The following KCNC3 variants were observed in gnomAD, a reference collection of about 807,000 sequenced individuals.
The protein encoded by KCNC3 is potassium voltage-gated channel subfamily C member 3.
A neutral mutation model predicts 43.9 loss-of-function variants in KCNC3; 22 were observed. That is an observed-to-expected ratio of 0.50 (90% confidence interval 0.36 to 0.72). The LOEUF (loss-of-function observed/expected upper bound fraction) is 0.72, where lower values mean the gene tolerates loss of function less well. KCNC3 is among the 30% of genes least tolerant of loss of function. KCNC3 has a pLI of 0.00. For synonymous variants in KCNC3, 492 were observed against 488.0 expected, an observed-to-expected ratio of 1.01 and a Z score of -0.11; for missense variants, 829 against 1,073.8, an observed-to-expected ratio of 0.77 and a Z score of 3.19.
Position 50,313,131 on chromosome 19 carries a change from G to C in KCNC3, c.*2984C>G, listed in dbSNP as rs1219560214. 6.6e-6 allele frequency: 1 copy of C among 152,146 alleles called. No homozygotes were observed. The highest frequency in any genetic ancestry group is 1.5e-5 in the Non-Finnish European group (1 of 68,028). The allele number at this position is 152,146 out of a possible 1,614,324, so 9.4% of individuals were successfully genotyped here. A position where few individuals can be genotyped will look rare whatever the true frequency, so the allele number is the denominator to read the frequency against. On this transcript the variant is annotated 3_prime_UTR_variant, in exon 5 of 5. Coordinates refer to ENST00000477616, the MANE Select transcript of KCNC3 (RefSeq NM_004977.3). ...AGTCTGGGACCGGTGTGGTCTCTGG[G>C]CTTGGGGGAGGTAGCGCATCCTTGA...
chr19:50,331,250 C>T (rs2037185069), upstream of KCNC3, among the ~76,000 whole-genome samples: 1 of 125,874 alleles, frequency 7.9e-6, no homozygotes, highest in Non-Finnish European at 1.6e-5. Flanking sequence ...TCTCTCCTCC[C>T]TGGTGTCTCA....
In KCNC3 at chr19:50,320,248, A is replaced by G; in HGVS notation, c.2272T>C (p.Ter758GlnextTer29). The G allele has an allele frequency of 3.6e-6, 2 of 549,590 alleles. No individual in the cohort carries two copies. Among genetic ancestry groups the G allele is most frequent in the Non-Finnish European group, 5.0e-6 (2 of 398,156 alleles). 34.0% of individuals were successfully genotyped at this position (549,590 alleles called of 1,614,324 possible). The change falls in exon 4 of 5, where the codon TAG (stop) becomes CAG (glutamine). Residue 758 changes from the stop codon to glutamine, a stop_lost. Transcript: ENST00000477616. The part of the protein sequence containing the change: ...NANAAAWISP[*>Q] ...CCCGGGGGGAGGGGGTTCGTCCACT[A>G]GGGGGATATCCAGGCCGCGGCGTTG...
chr19:50,322,408 G>A lies in KCNC3; in HGVS notation c.1978+567C>T, dbSNP rs149364822. 7.7e-3 allele frequency among the ~76,000 whole-genome samples: 1,170 copies of A among 152,188 alleles called. 23 individuals are homozygous for A. The highest frequency in any genetic ancestry group is 6.9e-3 in the Non-Finnish European group (471 of 68,002). On this transcript the variant is annotated intron_variant, in intron 2 of 4. Transcript: ENST00000477616. Reference sequence around the variant, plus strand: ...GGGATCTGCCCTGGCCTGACTCTCCGTTTTGAAGTCTGTCTGCCTCTTGGG... The same window carrying A: ...GGGATCTGCCCTGGCCTGACTCTCCATTTTGAAGTCTGTCTGCCTCTTGGG...
chr19:50,329,041 C>G lies in KCNC3; in HGVS notation c.42G>C (p.Gln14His). ...GCGCCGGCTGCTGCTTGCTGGCCCCCTGGCGCCCGCGGAAGGACGAGACGC... is the reference window on the plus strand; with the variant it reads ...GCGCCGGCTGCTGCTTGCTGGCCCCGTGGCGCCCGCGGAAGGACGAGACGC... ...SVCVSSFRGR[Q>H]GASKQQPAPP... Residue 14 changes from glutamine to histidine, a missense_variant, in exon 1 of 5, where the codon CAG becomes CAC. This residue lies in a region of KCNC3 where 129 missense variants were observed against 83.6 expected (regional missense o/e 1.54). Coordinates refer to ENST00000477616, the MANE Select transcript of KCNC3 (RefSeq NM_004977.3). 4 of 1,337,380 alleles carry G rather than the reference C, an allele frequency of 3.0e-6. No individual in the cohort carries two copies. In the South Asian group the frequency reaches 5.4e-5, roughly 18 times the overall value. The allele number at this position is 1,337,380 out of a possible 1,614,324, so 82.8% of individuals were successfully genotyped here. A position where few individuals can be genotyped will look rare whatever the true frequency, so the allele number is the denominator to read the frequency against.
Position 50,328,765 on chromosome 19 carries a change from C to A in KCNC3, c.318G>T (p.Leu106=). 1 of 1,585,962 alleles carries A rather than the reference C, an allele frequency of 6.3e-7. No homozygotes were observed. ...CCAGCCGCGTCCCCGGCAGGGTGCGCAGCGTCGAGCGGTACGTCTCATGGC... is the reference window on the plus strand; with the variant it reads ...CCAGCCGCGTCCCCGGCAGGGTGCGAAGCGTCGAGCGGTACGTCTCATGGC... ...GVRHETYRST[L]RTLPGTRLAG... is the part of the protein sequence containing the mutation. The change falls in exon 1 of 5, where the codon CTG becomes CTT. Residue 106 remains leucine, a synonymous_variant. Transcript: ENST00000477616.
chr19:50,328,970 G>C lies in KCNC3; in HGVS notation c.113C>G (p.Pro38Arg). Residue 38 changes from proline (P) to arginine (R), a missense_variant, in exon 1 of 5, where the codon CCG (proline) becomes CGG (arginine). Around this residue, in one of 7 missense-constraint regions of KCNC3, gnomAD observed 129 missense variants for 83.6 expected, o/e 1.54. Transcript: ENST00000477616. Reference sequence around the variant, plus strand: ...GGGCTGCGCAGGCTGCTGCTGCTGCGGCGGCAGCGGTGGCGGCGGCGGGGA... The same window carrying C: ...GGGCTGCGCAGGCTGCTGCTGCTGCCGCGGCAGCGGTGGCGGCGGCGGGGA... Reference protein sequence around the residue: ...PESPPPPPLPPQQQQPAQPGP... With the variant: ...PESPPPPPLPRQQQQPAQPGP... 4.0e-6 allele frequency: 4 copies of C among 996,392 alleles called. No individual in the cohort carries two copies. Among genetic ancestry groups the C allele is most frequent in the Non-Finnish European group, 5.0e-6 (4 of 793,554 alleles). 61.7% of individuals were successfully genotyped at this position (996,392 alleles called of 1,614,324 possible).
chr19:50,320,318 G>A lies in KCNC3; in HGVS notation c.2202C>T (p.Asp734=). ...AGCTTGGGGGGCCTGGCTTACGCCA[G>A]TCTTGGGGGGGCAGTGGGGGAGCAC... ...ATGAPPLPPQ[D]WRKPGPPSFL... Residue 734 remains aspartate (D), a synonymous_variant, in exon 4 of 5, where the codon GAC becomes GAT. Transcript: ENST00000477616. 2.0e-6 allele frequency: 1 copy of A among 507,968 alleles called. No individual in the cohort carries two copies. Among genetic ancestry groups the A allele is most frequent in the Non-Finnish European group, 3.2e-6 (1 of 316,008 alleles). 31.5% of individuals were successfully genotyped at this position (507,968 alleles called of 1,614,324 possible).
In KCNC3 at chr19:50,324,642, A is replaced by G. The variant is rs564693243; in HGVS notation, c.871-560T>C. 6.6e-6 allele frequency among the ~76,000 whole-genome samples: 1 copy of G among 152,188 alleles called. No homozygotes were observed. The highest frequency in any genetic ancestry group is 1.5e-5 in the Non-Finnish European group (1 of 68,034). ...CTGTCAAAACTGGGCAAGGAGACTG[A>G]GCTTTCTGAACCAGAAGTTTGTAGT... is the stretch of plus-strand genomic sequence containing the variant. On this transcript the variant is annotated intron_variant, in intron 1 of 4. Coordinates refer to ENST00000477616, the MANE Select transcript of KCNC3 (RefSeq NM_004977.3). The surrounding 1 kb of genome is among the most constrained non-coding windows in gnomAD (Gnocchi z 4.1).
At chr19:50,316,751 A>C (rs2036959680) in intron 4 of KCNC3, among the ~76,000 whole-genome samples, 1 of 149,782 alleles carries the variant, frequency 6.7e-6, no homozygotes, top group African/African-American at 2.5e-5. Flanking sequence ...CAAAAACGAA[A>C]GGGTTGGGAA....
chr19:50,316,859 A>G (rs1341215348), intron 4 of KCNC3, among the ~76,000 whole-genome samples: 2 of 151,964 alleles, frequency 1.3e-5, no homozygotes, highest in Non-Finnish European at 2.9e-5. Context: ...GCTGAAGGAC[A>G]GCAAGGAAAA....
At position 50,328,960 on chromosome 19, in the gene KCNC3, C is replaced by A. The variant is rs185017345; in HGVS notation, c.123G>T (p.Gln41His). The A allele has an allele frequency of 8.8e-3, 8,316 of 947,006 alleles. 566 individuals are homozygous for A. In the African/African-American group the frequency reaches 0.14, roughly 16 times the overall value. The allele number at this position is 947,006 out of a possible 1,614,324, so 58.7% of individuals were successfully genotyped here. The change falls in exon 1 of 5, where the codon CAG (glutamine) becomes CAT (histidine). Residue 41 changes from glutamine (Q) to histidine (H), a missense_variant. By Grantham distance (24) the Gln-to-His change is conservative (BLOSUM62 0). Coordinates refer to ENST00000477616, the MANE Select transcript of KCNC3 (RefSeq NM_004977.3). Reference sequence around the variant, plus strand: ...CGGCGGGGCCGGGCTGCGCAGGCTGCTGCTGCTGCGGCGGCAGCGGTGGCG... The same window carrying A: ...CGGCGGGGCCGGGCTGCGCAGGCTGATGCTGCTGCGGCGGCAGCGGTGGCG... ...PPPPPLPPQQ[Q>H]QPAQPGPAAS...
At chr19:50,317,411 A>G (rs2036971560) in intron 4 of KCNC3, among the ~76,000 whole-genome samples, 2 of 152,078 alleles carry the variant, frequency 1.3e-5, no homozygotes. Flanking sequence ...AGGTTCCCCT[A>G]TGGCATCTCC....
rs2037133927 is a variant in KCNC3, at chr19:50,328,407, C to T, written c.676G>A (p.Asp226Asn). The T allele has an allele frequency of 1.5e-6, 2 of 1,340,506 alleles. No homozygotes were observed. The highest frequency in any genetic ancestry group is 9.5e-7 in the Non-Finnish European group (1 of 1,049,698). The allele number at this position is 1,340,506 out of a possible 1,614,324, so 83.0% of individuals were successfully genotyped here. The change falls in exon 1 of 5, where the codon GAC becomes AAC. Residue 226 changes from aspartate to asparagine, a missense_variant. Physicochemically the swap from Asp to Asn is conservative, Grantham distance 23. Around this residue, in one of 7 missense-constraint regions of KCNC3, gnomAD observed 121 missense variants for 247.4 expected, o/e 0.49. Coordinates refer to ENST00000477616, the MANE Select transcript of KCNC3 (RefSeq NM_004977.3). ...AAGAHDGGLD[D>N]EAGAGGGGLD... The stretch of plus-strand genomic sequence containing the variant: ...CCGCCGCCGCCCGCGCCCGCCTCGT[C>T]GTCCAGGCCTCCGTCGTGGGCGCCT...
chr19:50,325,286 G>C (rs2037088187), intron 1 of KCNC3, among the ~76,000 whole-genome samples: 1 of 152,188 alleles, frequency 6.6e-6, no homozygotes. Context: ...TTATAGTAAA[G>C]AGAGGGTTTT....
intron 2 of KCNC3, 139 bp from the exon 3 acceptor site, chr19:50,320,923 C>G: frequency 1.3e-6 from 1 of 799,804 alleles, no homozygotes; most frequent in South Asian, 1.7e-5. Context: ...GATTCAAGGG[C>G]AGGGTGATGG....
chr19:50,312,866 TGCCCCGCCCCCACCAAAACCC>T lies in KCNC3; in HGVS notation c.*3228_*3248del, dbSNP rs1229456240. ...CTGGTGTCTGGAGCCCCTAGCCCTTTGCCCCGCCCCCACCAAAACCCGCCCCACCCCTCACCCCTGCTTCAC... is the reference window on the plus strand; with the variant it reads ...CTGGTGTCTGGAGCCCCTAGCCCTTTGCCCCACCCCTCACCCCTGCTTCAC... On this transcript the variant is annotated 3_prime_UTR_variant, in exon 5 of 5. Coordinates refer to ENST00000477616, the MANE Select transcript of KCNC3 (RefSeq NM_004977.3). 1 of 151,518 alleles carries T rather than the reference TGCCCCGCCCCCACCAAAACCC, an allele frequency of 6.6e-6. No individual in the cohort carries two copies. The highest frequency in any genetic ancestry group is 1.5e-5 in the Non-Finnish European group (1 of 67,828). 9.4% of individuals were successfully genotyped at this position (151,518 alleles called of 1,614,324 possible).
rs1601090945 is a variant in KCNC3, at chr19:50,314,829, T to G, written c.*1286A>C. Reference sequence around the variant, plus strand: ...GACCTTCTTCCCGGTCACCCCCGAGTCCCCCCACAGGGGGGAGGGGAGCGC... The same window carrying G: ...GACCTTCTTCCCGGTCACCCCCGAGGCCCCCCACAGGGGGGAGGGGAGCGC... On this transcript the variant is annotated 3_prime_UTR_variant, in exon 5 of 5. Transcript: ENST00000477616. 1.8e-5 allele frequency: 6 copies of G among 336,238 alleles called. No homozygotes were observed. Among genetic ancestry groups the G allele is most frequent in the African/African-American group, 4.7e-5 (2 of 42,708 alleles). The allele number at this position is 336,238 out of a possible 1,614,324, so 20.8% of individuals were successfully genotyped here.
At chr19:50,325,593 C>G (rs201926679) in intron 1 of KCNC3, among the ~76,000 whole-genome samples, 1 of 149,304 alleles carries the variant, frequency 6.7e-6, no homozygotes, top group Admixed American at 6.7e-5. Context: ...ACTCCCCCCC[C>G]ACCCCCACCT....
upstream of KCNC3, among the ~76,000 whole-genome samples, chr19:50,330,157 G>A (rs141933408): frequency 6.6e-6 from 1 of 152,052 alleles, no homozygotes; most frequent in Non-Finnish European, 1.5e-5. Flanking sequence ...GTCCCAGCTA[G>A]TCGGGAGGTT....
Sources: allele counts gnomAD v4.1 joint callset (sites outside exome capture counted in the v4.1 genomes callset), GRCh38; gene constraint gnomAD v4.1.1; regional missense constraint gnomAD v4.1.1; non-coding constraint Gnocchi (gnomAD v3.1); transcripts MANE v1.5; gene names NCBI Gene and HGNC (gene_info 2026-07-23, HGNC 2026-07-21).